ZP3: variants seen among roughly 807,000 people sequenced by gnomAD.
ZP3 encodes zona pellucida sperm-binding protein 3.
Under a neutral mutation model 35.6 loss-of-function variants are expected in ZP3, and 21 were observed. The ratio of observed to expected loss-of-function variants is 0.59; its 90% confidence interval spans 0.42 to 0.85. The LOEUF (loss-of-function observed/expected upper bound fraction) is 0.85, where lower values mean the gene tolerates loss of function less well. Among genes scored for constraint, ZP3 ranks in the 40% least tolerant of loss-of-function variants. The pLI, the probability that ZP3 is intolerant of heterozygous loss-of-function variation, is 0.00. For synonymous variants in ZP3, 207 were observed against 214.5 expected (o/e 0.96, Z 0.31); for missense variants, 437 against 536.5 (o/e 0.81, Z 1.83).
intron 1 of ZP3, among the ~76,000 whole-genome samples, chr7:76,403,227 C>T (rs11978981): frequency 0.01 from 1,573 of 152,234 alleles, 34 homozygotes; most frequent in African/African-American, 0.036. Context: ...AATGGAAAGC[C>T]GGAAAATAAT....
At chr7:76,415,808 G>A (rs1161198014) in intron 1 of ZP3, among the ~76,000 whole-genome samples, 2 of 150,848 alleles carry the variant, frequency 1.3e-5, no homozygotes, top group Non-Finnish European at 3.0e-5. Flanking sequence ...ATTTTATTTT[G>A]TAGGTGATTT....
At chr7:76,437,980 C>A (rs1806075212) in intron 5 of ZP3, among the ~76,000 whole-genome samples, 1 of 152,214 alleles carries the variant, frequency 6.6e-6, no homozygotes. Flanking sequence ...GGCAGCTGGA[C>A]AACTGCTAAA....
At chr7:76,436,030 C>CTTTTTTTTTTTTTTTTTTTT (rs60553917) in intron 5 of ZP3, among the ~76,000 whole-genome samples, 1 of 74,248 alleles carries the variant, frequency 1.3e-5, no homozygotes, top group Non-Finnish European at 2.6e-5. Context: ...CCCCCGCCCC[C>CTTTTTTTTTTTTTTTTTTTT]TTTTTTTTTT....
chr7:76,401,407 G>C (rs1234939029), intron 1 of ZP3, among the ~76,000 whole-genome samples: 1 of 147,390 alleles, frequency 6.8e-6, no homozygotes, highest in Admixed American at 6.9e-5. Context: ...GACCAGCCTC[G>C]CCTTTTTTCT....
At chr7:76,436,989 T>C (rs1806036277) in intron 5 of ZP3, among the ~76,000 whole-genome samples, 1 of 151,624 alleles carries the variant, frequency 6.6e-6, no homozygotes, top group Admixed American at 6.6e-5. Flanking sequence ...CAGTAGACTA[T>C]GTCCCATGGC....
At chr7:76,411,046 C>T (rs1805231260) in intron 1 of ZP3, among the ~76,000 whole-genome samples, 1 of 150,356 alleles carries the variant, frequency 6.7e-6, no homozygotes, top group South Asian at 2.1e-4. Context: ...GGAAGGCTGC[C>T]ATCACCATGC....
exon 1 of ZP3, chr7:76,397,723 C>T (rs756811945): frequency 2.5e-6 from 4 of 1,613,344 alleles, no homozygotes; most frequent in East Asian, 2.2e-5. Context: ...CAGCGGCATC[C>T]GGCAGCCCCC....
intron 1 of ZP3, among the ~76,000 whole-genome samples, chr7:76,414,078 C>A (rs1805311387): frequency 6.6e-6 from 1 of 151,250 alleles, no homozygotes. Flanking sequence ...CTCGCTGCAA[C>A]CTCCACCTCC....
chr7:76,399,675 G>A (rs1006475853), intron 1 of ZP3, among the ~76,000 whole-genome samples: 4 of 151,780 alleles, frequency 2.6e-5, no homozygotes, highest in East Asian at 1.9e-4. Flanking sequence ...AGCTGGGACC[G>A]CCCCCAACAC....
intron 1 of ZP3, among the ~76,000 whole-genome samples, chr7:76,399,157 G>T (rs1338365150): frequency 3.3e-5 from 5 of 152,040 alleles, no homozygotes; most frequent in African/African-American, 1.2e-4. Flanking sequence ...GATTACAGGT[G>T]CCTGCCACCA....
chr7:76,432,035 TA>T (rs35187653), intron 2 of ZP3, among the ~76,000 whole-genome samples: 2,027 of 146,870 alleles, frequency 0.014, 50 homozygotes, highest in African/African-American at 0.046. Flanking sequence ...GTTTTTTGTT[TA>T]AAAAAAAAAA....
upstream of ZP3, among the ~76,000 whole-genome samples, chr7:76,421,768 T>C (rs1805509143): frequency 2.7e-5 from 4 of 150,548 alleles, no homozygotes; most frequent in South Asian, 8.4e-4. Context: ...CTAATGCCAT[T>C]AGTTTTTGTA....
At chr7:76,414,790 G>A (rs1475091889) in intron 1 of ZP3, among the ~76,000 whole-genome samples, 2 of 134,498 alleles carry the variant, frequency 1.5e-5, no homozygotes, top group African/African-American at 5.6e-5. Flanking sequence ...CCCCACCTGC[G>A]CCTCCTGAGT....
At chr7:76,412,647 T>C (rs1003277183) in intron 1 of ZP3, among the ~76,000 whole-genome samples, 1 of 152,028 alleles carries the variant, frequency 6.6e-6, no homozygotes, top group African/African-American at 2.4e-5. Context: ...GTCGGGAGTT[T>C]GAGACCAGCC....
chr7:76,399,661 A>G (rs1163448261), intron 1 of ZP3, among the ~76,000 whole-genome samples: 1 of 151,588 alleles, frequency 6.6e-6, no homozygotes, highest in East Asian at 1.9e-4. Flanking sequence ...TCTGCCTCCC[A>G]AGTAGCTGGG....
chr7:76,409,352 CACACACAT>C (rs1276076262), intron 1 of ZP3: 3 of 131,782 alleles, frequency 2.3e-5, no homozygotes, highest in African/African-American at 5.4e-5. Context: ...CACACACACA[CACACACAT>C]GCATGCACAC....
At chr7:76,415,364 C>CAAAAAAAAAAAAAAAAAATAAAAAAAAAT (rs528001072) in intron 1 of ZP3, among the ~76,000 whole-genome samples, 2 of 63,532 alleles carry the variant, frequency 3.1e-5, no homozygotes, top group African/African-American at 1.6e-4. Flanking sequence ...GACTCCGTCT[C>CAAAAAAAAAAAAAAAAAATAAAAAAAAAT]AAAAAAAAAA....
At chr7:76,424,709 G>A (rs537209748), upstream of ZP3, among the ~76,000 whole-genome samples, 2 of 152,240 alleles carry the variant, frequency 1.3e-5, no homozygotes, top group African/African-American at 2.4e-5. Context: ...AAACTTTAAT[G>A]TGGATACACG....
chr7:76,408,552 A>T (rs1805121793), intron 1 of ZP3, among the ~76,000 whole-genome samples: 1 of 152,138 alleles, frequency 6.6e-6, no homozygotes, highest in Non-Finnish European at 1.5e-5. Context: ...CAACTTCCAG[A>T]GACCCTGCCA....
Sources: gnomAD v4.1 joint callset for allele counts (sites outside exome capture counted in the v4.1 genomes callset) on GRCh38, gnomAD v4.1.1 for gene constraint, MANE v1.5 for transcripts, NCBI Gene and HGNC (gene_info 2026-07-23, HGNC 2026-07-21) for gene names.